The following FAM83B variants were observed in gnomAD, a reference collection of about 807,000 sequenced individuals.
The protein encoded by FAM83B is protein FAM83B.
A neutral mutation model predicts 38.8 loss-of-function variants in FAM83B; 26 were observed. The observed-to-expected ratio is 0.67, with a 90% CI of 0.49 to 0.93. The LOEUF (loss-of-function observed/expected upper bound fraction) is 0.93, where lower values mean the gene tolerates loss of function less well. Ranked by LOEUF, FAM83B falls within the 40% of genes least tolerant of loss-of-function variation. The probability of loss-of-function intolerance (pLI) is 0.00; values close to 1 mark genes in which losing one functional copy is unlikely to be tolerated. For missense variants in FAM83B, 1,237 were observed against 1,197.3 expected, an observed-to-expected ratio of 1.03 and a Z score of -0.49; for synonymous variants, 419 against 423.1, an observed-to-expected ratio of 0.99 and a Z score of 0.12.
chr6:54,863,510 C>T (rs1176113111), intron 1 of FAM83B, among the ~76,000 whole-genome samples: 1 of 134,326 alleles, frequency 7.4e-6, no homozygotes, highest in Admixed American at 7.3e-5. Context: ...GAGTAGAGGT[C>T]GAAACCTGTG....
At chr6:54,933,188 T>G (rs1773460969) in intron 4 of FAM83B, among the ~76,000 whole-genome samples, 1 of 151,996 alleles carries the variant, frequency 6.6e-6, no homozygotes, top group Admixed American at 6.6e-5. Flanking sequence ...ATCCATGACC[T>G]GTCTTCAAGT....
chr6:54,877,159 C>T (rs535557933), intron 2 of FAM83B, among the ~76,000 whole-genome samples: 1 of 152,226 alleles, frequency 6.6e-6, no homozygotes, highest in East Asian at 1.9e-4. Flanking sequence ...GGAGAAAGGG[C>T]AGATGGTAGT....
rs1186358081 is a variant in FAM83B, at chr6:54,944,079, T to A, written c.*2072T>A. 1 of 152,186 alleles carries A rather than the reference T, an allele frequency of 6.6e-6. No homozygotes were observed. The highest frequency in any genetic ancestry group is 1.5e-5 in the Non-Finnish European group (1 of 68,028). The allele number at this position is 152,186 out of a possible 1,614,324, so 9.4% of individuals were successfully genotyped here. Reference sequence around the variant, plus strand: ...TTTTTTAAAAATTGTTTTTCTTGTATCTTTTTTCTTCAAAAATATCTATAT... The same window carrying A: ...TTTTTTAAAAATTGTTTTTCTTGTAACTTTTTTCTTCAAAAATATCTATAT... On this transcript the variant is annotated 3_prime_UTR_variant, in exon 5 of 5. Coordinates refer to ENST00000306858, the MANE Select transcript of FAM83B (RefSeq NM_001010872.3).
At chr6:54,929,619 G>T (rs1460366897) in intron 4 of FAM83B, among the ~76,000 whole-genome samples, 1 of 151,972 alleles carries the variant, frequency 6.6e-6, no homozygotes, top group Admixed American at 6.6e-5. Context: ...ACTTTCAAAA[G>T]ACAAATTGGC....
chr6:54,869,277 T>G (rs1194638927), intron 1 of FAM83B, among the ~76,000 whole-genome samples: 1 of 152,208 alleles, frequency 6.6e-6, no homozygotes, highest in Non-Finnish European at 1.5e-5. Context: ...GTCCACTTCC[T>G]CACTGCGTTT....
chr6:54,913,765 T>C (rs1772970651), intron 2 of FAM83B, among the ~76,000 whole-genome samples: 1 of 152,080 alleles, frequency 6.6e-6, no homozygotes, highest in Non-Finnish European at 1.5e-5. Context: ...GAAGAATCAG[T>C]TTCAGTAATT....
At chr6:54,860,206 C>A (rs1771543806) in intron 1 of FAM83B, among the ~76,000 whole-genome samples, 1 of 152,064 alleles carries the variant, frequency 6.6e-6, no homozygotes, top group Non-Finnish European at 1.5e-5. Context: ...CAGCTTTTAA[C>A]AATCTTGTTT....
chr6:54,921,075 C>T (rs1773156623), intron 2 of FAM83B, among the ~76,000 whole-genome samples: 2 of 151,740 alleles, frequency 1.3e-5, no homozygotes, highest in Admixed American at 6.6e-5. Context: ...TTACTTTTGC[C>T]TCTGTATCTT....
At chr6:54,876,840 A>G (rs927324346) in intron 2 of FAM83B, among the ~76,000 whole-genome samples, 1 of 152,038 alleles carries the variant, frequency 6.6e-6, no homozygotes, top group Non-Finnish European at 1.5e-5. Context: ...GTAGTTCTAT[A>G]TATTTGGGGA....
intron 2 of FAM83B, among the ~76,000 whole-genome samples, chr6:54,899,653 G>T (rs1255297396): frequency 6.6e-6 from 1 of 152,138 alleles, no homozygotes; most frequent in Non-Finnish European, 1.5e-5. Context: ...TCAGATGAGA[G>T]AAGGGGCGGG....
chr6:54,912,887 A>G (rs1172060906), intron 2 of FAM83B, among the ~76,000 whole-genome samples: 1 of 152,028 alleles, frequency 6.6e-6, no homozygotes, highest in African/African-American at 2.4e-5. Flanking sequence ...TAAACAGGAG[A>G]TTAGGTAGAT....
rs147022305 is a variant in FAM83B at position 54,940,362 on chromosome 6, G to T, written c.1391G>T (p.Arg464Leu). 2 of 1,614,022 alleles carry T rather than the reference G, an allele frequency of 1.2e-6. No individual in the cohort carries two copies. The highest frequency in any genetic ancestry group is 2.2e-5 in the South Asian group (2 of 91,080). ...CTTGCAGACAGGAATTCAAATGTTC[G>T]GAGGTCTTTTAATGGGACAGATAAC... Reference protein sequence around the residue: ...TNLADRNSNVRRSFNGTDNHI... With the variant: ...TNLADRNSNVLRSFNGTDNHI... The change falls in exon 5 of 5, where the codon CGG becomes CTG. Residue 464 changes from arginine to leucine, a missense_variant. By Grantham distance (102) the Arg-to-Leu change is moderately radical. Transcript: ENST00000306858.
chr6:54,911,906 C>A (rs939870104), intron 2 of FAM83B, among the ~76,000 whole-genome samples: 19 of 151,950 alleles, frequency 1.3e-4, no homozygotes, highest in Non-Finnish European at 2.1e-4. Flanking sequence ...AATTATTCAG[C>A]CTTTGGACAT....
chr6:54,880,171 G>A (rs12208348), intron 2 of FAM83B, among the ~76,000 whole-genome samples: 2 of 152,130 alleles, frequency 1.3e-5, no homozygotes, highest in South Asian at 4.1e-4. Flanking sequence ...CACTTCAAGT[G>A]ATTTAAAGTC....
chr6:54,936,721 C>G (rs1462137754), intron 4 of FAM83B, among the ~76,000 whole-genome samples: 1 of 151,434 alleles, frequency 6.6e-6, no homozygotes, highest in South Asian at 2.1e-4. Context: ...CTTCCCACAT[C>G]TTTTGTGTCT....
chr6:54,884,897 C>T (rs186575042), intron 2 of FAM83B, among the ~76,000 whole-genome samples: 159 of 151,804 alleles, frequency 1.0e-3, no homozygotes, highest in African/African-American at 3.7e-3. Flanking sequence ...CTCAGCCTCT[C>T]GAGTAGCTGG....
At chr6:54,859,415 A>G (rs1217212835) in intron 1 of FAM83B, among the ~76,000 whole-genome samples, 9 of 152,126 alleles carry the variant, frequency 5.9e-5, no homozygotes, top group Non-Finnish European at 2.9e-5. Flanking sequence ...TTTAGACTTT[A>G]GTCAACTCTC....
chr6:54,904,085 G>A (rs239834), intron 2 of FAM83B, among the ~76,000 whole-genome samples: 26,544 of 151,214 alleles, frequency 0.18, 2,496 homozygotes, highest in Middle Eastern at 0.27. Flanking sequence ...AGGCTCCTCA[G>A]ACTAATCACA....
intron 4 of FAM83B, among the ~76,000 whole-genome samples, chr6:54,928,667 A>G (rs1350473854): frequency 6.6e-6 from 1 of 152,186 alleles, no homozygotes; most frequent in Non-Finnish European, 1.5e-5. Context: ...GACTCATTAT[A>G]TGTGAATATA....
Sources: allele counts gnomAD v4.1 joint callset (sites outside exome capture counted in the v4.1 genomes callset), GRCh38; gene constraint gnomAD v4.1.1; transcripts MANE v1.5; gene names NCBI Gene and HGNC (gene_info 2026-07-23, HGNC 2026-07-21).